Variants in AKAP19 observed in about 807,000 individuals in gnomAD.
AKAP19 encodes A-kinase anchoring protein 19, also known as small A-kinase anchoring protein.
chr2:190,078,296 T>C, the AKAP19 span, among the ~76,000 whole-genome samples: 5 of 152,208 alleles, frequency 3.3e-5, no homozygotes, highest in Admixed American at 2.6e-4. Flanking sequence ...ATGCTGCCAG[T>C]GTCCAATTTC....
At chr2:189,918,282 T>G in the AKAP19 span, among the ~76,000 whole-genome samples, 1 of 152,124 alleles carries the variant, frequency 6.6e-6, no homozygotes, top group Non-Finnish European at 1.5e-5. Flanking sequence ...TTCCTGATAT[T>G]CCAAGGTTTC....
At chr2:190,052,154 T>C in the AKAP19 span, among the ~76,000 whole-genome samples, 1 of 152,134 alleles carries the variant, frequency 6.6e-6, no homozygotes, top group Admixed American at 6.5e-5. Flanking sequence ...TTTTATCCCA[T>C]GGCACCTGGC....
the AKAP19 span, among the ~76,000 whole-genome samples, chr2:190,168,019 C>T: frequency 8.5e-5 from 13 of 152,206 alleles, no homozygotes; most frequent in Admixed American, 5.2e-4. Flanking sequence ...TTCCCTTCCA[C>T]GCTTCTCTAG....
the AKAP19 span, among the ~76,000 whole-genome samples, chr2:189,931,684 A>G: frequency 6.6e-6 from 1 of 151,874 alleles, no homozygotes; most frequent in African/African-American, 2.4e-5. Context: ...AATGTGCACA[A>G]TCGTGGCTCA....
chr2:189,983,597 C>T, the AKAP19 span, among the ~76,000 whole-genome samples: 1 of 152,258 alleles, frequency 6.6e-6, no homozygotes, highest in Non-Finnish European at 1.5e-5. Flanking sequence ...GTGCTGCCCA[C>T]TTCAATGATT....
the AKAP19 span, among the ~76,000 whole-genome samples, chr2:190,188,768 CT>C: frequency 6.6e-6 from 1 of 152,156 alleles, no homozygotes; most frequent in Admixed American, 6.5e-5. Flanking sequence ...ACAGTAGATG[CT>C]TCACATGAAC....
chr2:190,196,172 CTT>C, the AKAP19 span, among the ~76,000 whole-genome samples: 1 of 151,978 alleles, frequency 6.6e-6, no homozygotes, highest in African/African-American at 2.4e-5. Context: ...TTCCTGTCTT[CTT>C]CTGGGTTAAA....
chr2:190,147,861 T>A, the AKAP19 span, among the ~76,000 whole-genome samples: 1 of 152,208 alleles, frequency 6.6e-6, no homozygotes, highest in Non-Finnish European at 1.5e-5. Flanking sequence ...ATTCATCTTG[T>A]ATCTGGAAAC....
At chr2:190,115,673 G>T in the AKAP19 span, among the ~76,000 whole-genome samples, 1 of 152,002 alleles carries the variant, frequency 6.6e-6, no homozygotes, top group Non-Finnish European at 1.5e-5. Context: ...CCTTTCAAGG[G>T]TCTACTTCTC....
chr2:189,988,881 A>G, the AKAP19 span, among the ~76,000 whole-genome samples: 1 of 152,202 alleles, frequency 6.6e-6, no homozygotes, highest in African/African-American at 2.4e-5. Flanking sequence ...ATTGGCTTTT[A>G]AGAAAATTAT....
chr2:190,030,067 G>C, the AKAP19 span, among the ~76,000 whole-genome samples: 1 of 152,110 alleles, frequency 6.6e-6, no homozygotes, highest in Non-Finnish European at 1.5e-5. Flanking sequence ...ACATCCCAAA[G>C]GGTTCTGAGA....
At chr2:190,194,226 G>A in the AKAP19 span, among the ~76,000 whole-genome samples, 1 of 152,154 alleles carries the variant, frequency 6.6e-6, no homozygotes, top group African/African-American at 2.4e-5. Context: ...GTTGTTGGGT[G>A]TAGTGTTCTG....
the AKAP19 span, chr2:190,060,182 C>G: frequency 6.2e-7 from 1 of 1,613,078 alleles, no homozygotes; most frequent in South Asian, 1.1e-5. Context: ...GCAACACTGT[C>G]TTCACATCAA....
At chr2:190,076,789 G>C in the AKAP19 span, among the ~76,000 whole-genome samples, 1 of 152,236 alleles carries the variant, frequency 6.6e-6, no homozygotes, top group Non-Finnish European at 1.5e-5. Context: ...GATTCATTGA[G>C]TTTTCAGGAT....
the AKAP19 span, among the ~76,000 whole-genome samples, chr2:190,154,138 A>G: frequency 3.9e-5 from 6 of 152,194 alleles, no homozygotes; most frequent in African/African-American, 1.4e-4. Flanking sequence ...TTATGCTTCT[A>G]TAATCTACTA....
the AKAP19 span, among the ~76,000 whole-genome samples, chr2:190,160,483 G>C: frequency 6.6e-6 from 1 of 152,072 alleles, no homozygotes; most frequent in Non-Finnish European, 1.5e-5. Flanking sequence ...TGTGCTAAAA[G>C]GGTAGACTTT....
At chr2:189,998,771 C>CTTTTTT in the AKAP19 span, among the ~76,000 whole-genome samples, 504 of 97,500 alleles carry the variant, frequency 5.2e-3, 1 homozygote, top group East Asian at 9.5e-3. Flanking sequence ...TTCTTTCTTT[C>CTTTTTT]TTTTTTTTTT....
chr2:190,081,519 C>T, the AKAP19 span, among the ~76,000 whole-genome samples: 1 of 152,178 alleles, frequency 6.6e-6, no homozygotes, highest in Admixed American at 6.5e-5. Flanking sequence ...AATATTTAAG[C>T]ATTAACCATC....
chr2:190,079,210 T>G, the AKAP19 span: 3 of 152,328 alleles, frequency 2.0e-5, no homozygotes, highest in Admixed American at 6.5e-5. Context: ...CCACCCAATC[T>G]TCTCTATTTC....
Sources: allele counts gnomAD v4.1 joint callset (sites outside exome capture counted in the v4.1 genomes callset), GRCh38; gene constraint gnomAD v4.1.1; transcripts MANE v1.5; gene names NCBI Gene and HGNC (gene_info 2026-07-23, HGNC 2026-07-21).